GALNTL6: variants seen among roughly 807,000 people sequenced by gnomAD.
GALNTL6 encodes the protein polypeptide N-acetylgalactosaminyltransferase like 6.
Under a neutral mutation model 73.7 loss-of-function variants are expected in GALNTL6, and 46 were observed. That is an observed-to-expected ratio of 0.62 (90% CI 0.49 to 0.80). The LOEUF is 0.80. Among genes scored for constraint, GALNTL6 ranks in the 30% least tolerant of loss-of-function variants. GALNTL6 has a pLI of 0.00. For synonymous variants in GALNTL6, 259 were observed against 263.7 expected, an observed-to-expected ratio of 0.98 and a Z score of 0.17; for missense variants, 604 against 755.0, an observed-to-expected ratio of 0.80 and a Z score of 2.34.
chr4:172,148,428 G>C, intron 2 of GALNTL6, among the ~76,000 whole-genome samples: 1 of 151,798 alleles, frequency 6.6e-6, no homozygotes, highest in African/African-American at 2.4e-5. Flanking sequence ...AACCAAAAAC[G>C]TATTGTTAGC....
At chr4:173,023,661 C>T (rs10006080) in intron 12 of GALNTL6, among the ~76,000 whole-genome samples, 7 of 128,848 alleles carry the variant, frequency 5.4e-5, no homozygotes, top group African/African-American at 1.5e-4. Flanking sequence ...AAACTCCATC[C>T]CAAAAAAAGC....
rs115990379 is a variant in GALNTL6 at position 172,105,534 on chromosome 4, G to A, written c.139-124122G>A. Among the ~76,000 whole-genome samples the A allele has an allele frequency of 8.6e-3, 1,306 of 151,870 alleles. 21 individuals are homozygous for A. Among genetic ancestry groups the A allele is most frequent in the African/African-American group, 0.03 (1,235 of 41,454 alleles). On this transcript the variant is annotated intron_variant, in intron 2 of 12. Coordinates refer to ENST00000506823, the MANE Select transcript of GALNTL6 (RefSeq NM_001034845.3). ...AAAGGATAAATACAAGCAAAGCCAC[G>A]TGTTGGCACCTTATGGTGAAATTGC...
At chr4:172,791,346 C>T (rs945656811) in intron 5 of GALNTL6, among the ~76,000 whole-genome samples, 2 of 152,170 alleles carry the variant, frequency 1.3e-5, no homozygotes, top group Non-Finnish European at 2.9e-5. Flanking sequence ...TTAAATAACT[C>T]AGGCCCCAGT....
intron 2 of GALNTL6, among the ~76,000 whole-genome samples, chr4:172,014,647 C>CT (rs1741130131): frequency 6.6e-6 from 1 of 151,934 alleles, no homozygotes; most frequent in Non-Finnish European, 1.5e-5. Context: ...GTCAGATTGT[C>CT]TATTTGTGCT....
chr4:172,887,388 A>G lies in GALNTL6; in HGVS notation c.1041+4481A>G, dbSNP rs1015142842. On this transcript the variant is annotated intron_variant, in intron 8 of 12. Coordinates refer to ENST00000506823, the MANE Select transcript of GALNTL6 (RefSeq NM_001034845.3). Reference sequence around the variant, plus strand: ...CTAGGTTCTATTTTTAGAACCAGCAACCAACCCCAGCATGGTAGTTCTATT... The same window carrying G: ...CTAGGTTCTATTTTTAGAACCAGCAGCCAACCCCAGCATGGTAGTTCTATT... 3.3e-5 allele frequency among the ~76,000 whole-genome samples: 5 copies of G among 152,018 alleles called. No individual in the cohort carries two copies. The East Asian group carries it at 7.7e-4, about 23-fold the overall frequency.
chr4:172,671,777 T>C (rs1372201428), intron 5 of GALNTL6, among the ~76,000 whole-genome samples: 12 of 152,214 alleles, frequency 7.9e-5, no homozygotes, highest in Non-Finnish European at 1.6e-4. Context: ...TTCAGTATAA[T>C]GTTGGCTGTG....
At chr4:172,278,549 T>A (rs552865824) in intron 3 of GALNTL6, among the ~76,000 whole-genome samples, 2 of 152,264 alleles carry the variant, frequency 1.3e-5, no homozygotes, top group East Asian at 1.9e-4. Flanking sequence ...GTATCATCTG[T>A]AGATCAGTTG....
intron 4 of GALNTL6, among the ~76,000 whole-genome samples, chr4:172,346,870 C>G (rs1423057473): frequency 6.6e-6 from 1 of 152,016 alleles, no homozygotes; most frequent in Admixed American, 6.6e-5. Flanking sequence ...AAGAGAAAGC[C>G]TTTGTCACAC....
At chr4:172,928,188 G>A (rs1748157123) in intron 8 of GALNTL6, among the ~76,000 whole-genome samples, 1 of 152,108 alleles carries the variant, frequency 6.6e-6, no homozygotes, top group Admixed American at 6.6e-5. Flanking sequence ...GACCTACAAA[G>A]GCAAAAGTAT....
intron 5 of GALNTL6, among the ~76,000 whole-genome samples, chr4:172,725,123 T>C (rs1735721412): frequency 6.6e-6 from 1 of 152,194 alleles, no homozygotes; most frequent in Non-Finnish European, 1.5e-5. Context: ...CATATAGCAT[T>C]TTAGGGGTAA....
chr4:172,129,328 T>C (rs1733391523), intron 2 of GALNTL6, among the ~76,000 whole-genome samples: 1 of 152,138 alleles, frequency 6.6e-6, no homozygotes, highest in Non-Finnish European at 1.5e-5. Context: ...TCTAATTCAG[T>C]TCTAAGAGAA....
At chr4:172,102,651 C>G (rs997052826) in intron 2 of GALNTL6, among the ~76,000 whole-genome samples, 10 of 152,292 alleles carry the variant, frequency 6.6e-5, no homozygotes, top group African/African-American at 2.4e-4. Context: ...GCTAAAGCAA[C>G]AAGAGGCCAA....
At chr4:171,856,657 C>T (rs113301171) in intron 2 of GALNTL6, among the ~76,000 whole-genome samples, 17 of 152,238 alleles carry the variant, frequency 1.1e-4, no homozygotes, top group African/African-American at 4.1e-4. Flanking sequence ...TATGGATGTG[C>T]AGTGTGAGAG....
At chr4:172,295,944 A>G (rs1739657595) in intron 3 of GALNTL6, among the ~76,000 whole-genome samples, 1 of 152,102 alleles carries the variant, frequency 6.6e-6, no homozygotes, top group Non-Finnish European at 1.5e-5. Context: ...ATACATATAT[A>G]TAGCTTTTAT....
intron 5 of GALNTL6, among the ~76,000 whole-genome samples, chr4:172,654,675 G>A (rs1730888515): frequency 6.6e-6 from 1 of 152,134 alleles, no homozygotes; most frequent in African/African-American, 2.4e-5. Context: ...GTCTCACTCT[G>A]CTGATCAGCC....
chr4:172,349,855 A>T (rs333396), intron 5 of GALNTL6, among the ~76,000 whole-genome samples: 15,768 of 148,310 alleles, frequency 0.11, 863 homozygotes, highest in East Asian at 0.18. Flanking sequence ...ATTTTTTTTA[A>T]ACTATCAACC....
At chr4:171,953,469 T>C (rs927311883) in intron 2 of GALNTL6, among the ~76,000 whole-genome samples, 1 of 152,130 alleles carries the variant, frequency 6.6e-6, no homozygotes, top group African/African-American at 2.4e-5. Context: ...GCATTGCAAA[T>C]AGGTGAAAAA....
At chr4:172,161,974 G>C (rs1275531819) in intron 2 of GALNTL6, among the ~76,000 whole-genome samples, 1 of 152,008 alleles carries the variant, frequency 6.6e-6, no homozygotes, top group East Asian at 1.9e-4. Flanking sequence ...AAGTGAAGTG[G>C]GAAAACAGGG....
At chr4:171,853,687 T>G (rs1735595476) in intron 2 of GALNTL6, among the ~76,000 whole-genome samples, 1 of 136,040 alleles carries the variant, frequency 7.4e-6, no homozygotes, top group Non-Finnish European at 1.5e-5. Flanking sequence ...CTTGGCTCAC[T>G]GCAATCTCTG....
Sources: allele counts gnomAD v4.1 joint callset (sites outside exome capture counted in the v4.1 genomes callset), GRCh38; gene constraint gnomAD v4.1.1; transcripts MANE v1.5; gene names NCBI Gene and HGNC (gene_info 2026-07-23, HGNC 2026-07-21).